Variants in SUPT16H observed in about 807,000 individuals in gnomAD.
SUPT16H encodes FACT complex subunit SPT16.
Under a neutral mutation model 136.2 loss-of-function variants are expected in SUPT16H, and 24 were observed. The ratio of observed to expected loss-of-function variants is 0.18; its 90% CI spans 0.13 to 0.25. The LOEUF is 0.25. SUPT16H is among the 10% of genes least tolerant of loss of function. The pLI is 1.00. For missense variants in SUPT16H, 623 were observed against 1,270.2 expected (o/e 0.49, Z 7.74); for synonymous variants, 415 against 428.2 (o/e 0.97, Z 0.38).
At chr14:21,375,671 G>A (rs1014588700) in intron 1 of SUPT16H, among the ~76,000 whole-genome samples, 2 of 152,186 alleles carry the variant, frequency 1.3e-5, no homozygotes, top group Non-Finnish European at 2.9e-5. Flanking sequence ...TCGGCTCACT[G>A]CAACCTCCGT....
intron 1 of SUPT16H, chr14:21,383,644 A>G: frequency 1.4e-6 from 1 of 710,878 alleles, no homozygotes; most frequent in Non-Finnish European, 2.6e-6. Flanking sequence ...GCACGCGGGG[A>G]AGATGGTGAT....
At chr14:21,380,354 T>C (rs1277494853) in intron 1 of SUPT16H, among the ~76,000 whole-genome samples, 1 of 137,992 alleles carries the variant, frequency 7.2e-6, no homozygotes, top group Non-Finnish European at 1.5e-5. Context: ...CAGGCTGGTC[T>C]TGAACTCCTG....
chr14:21,383,986 A>C lies in SUPT16H; in HGVS notation c.-59T>G. On this transcript the variant is annotated 5_prime_UTR_variant, in exon 1 of 26. Coordinates refer to ENST00000216297, the MANE Select transcript of SUPT16H (RefSeq NM_007192.4). ...AATCACGCGAGGTCCCGGCTCAGCC[A>C]CCCGCTCTCGGCCCAGGAATCCCGC... 6.2e-7 allele frequency: 1 copy of C among 1,601,480 alleles called. No individual in the cohort carries two copies. The highest frequency in any genetic ancestry group is 8.5e-7 in the Non-Finnish European group (1 of 1,170,624).
rs545820144 is a variant in SUPT16H, at chr14:21,382,424, T to C, written c.66+1438A>G. ...TTTTATTAGGTTTGCCAACCTGTCT[T>C]CAGGCCACAGTTAATTTGTCATGTA... On this transcript the variant is annotated intron_variant, in intron 1 of 25. Coordinates refer to ENST00000216297, the MANE Select transcript of SUPT16H (RefSeq NM_007192.4). 4.6e-5 allele frequency among the ~76,000 whole-genome samples: 7 copies of C among 152,344 alleles called. No homozygotes were observed. In the South Asian group the frequency reaches 1.4e-3, roughly 32 times the overall value.
At chr14:21,381,145 A>G (rs1367166734) in intron 1 of SUPT16H, among the ~76,000 whole-genome samples, 1 of 152,052 alleles carries the variant, frequency 6.6e-6, no homozygotes, top group Middle Eastern at 3.2e-3. Flanking sequence ...TCTCCTGTTG[A>G]TTTTTGACTG....
At chr14:21,381,274 A>G (rs1035047409) in intron 1 of SUPT16H, among the ~76,000 whole-genome samples, 1 of 152,058 alleles carries the variant, frequency 6.6e-6, no homozygotes, top group Non-Finnish European at 1.5e-5. Context: ...GACATAAGTT[A>G]TGAAAATTAT....
Position 21,360,923 on chromosome 14 carries a change from G to A in SUPT16H, c.1979C>T (p.Pro660Leu), listed in dbSNP as rs1886537379. 1 of 1,614,062 alleles carries A rather than the reference G, an allele frequency of 6.2e-7. No individual in the cohort carries two copies. Among genetic ancestry groups the A allele is most frequent in the Non-Finnish European group, 8.5e-7 (1 of 1,180,010 alleles). ...GCGAATGTATAGATCTTTCAGTTTC[G>A]GATTACTCCGGTTTAGATTGATCAC... is the stretch of plus-strand genomic sequence containing the variant. ...SLVINLNRSNPKLKDLYIRPN... is the reference protein window; with the variant it reads ...SLVINLNRSNLKLKDLYIRPN... The change falls in exon 17 of 26, where the codon CCG becomes CTG. Residue 660 changes from proline (P) to leucine (L), a missense_variant. Transcript: ENST00000216297.
intron 1 of SUPT16H, among the ~76,000 whole-genome samples, chr14:21,374,729 C>A (rs1886864037): frequency 6.6e-6 from 1 of 152,190 alleles, no homozygotes; most frequent in South Asian, 2.1e-4. Context: ...TCATCAGCTG[C>A]AGGACACTTG....
chr14:21,369,698 A>C lies in SUPT16H; in HGVS notation c.630+52T>G, dbSNP rs1886745653. 1.2e-5 allele frequency: 20 copies of C among 1,605,098 alleles called. 1 individual carries two copies. The South Asian group carries it at 2.2e-4, about 18-fold the overall frequency. On this transcript the variant is annotated intron_variant, in intron 5 of 25. Transcript: ENST00000216297. ...ACACACCAACAGATTTGCATGGTAG[A>C]CTTATTACTGCTTCATTAAAACAGT... is the stretch of plus-strand genomic sequence containing the variant.
intron 10 of SUPT16H, among the ~76,000 whole-genome samples, chr14:21,364,009 T>C (rs1435629220): frequency 6.6e-6 from 1 of 152,188 alleles, no homozygotes; most frequent in East Asian, 1.9e-4. Flanking sequence ...CAACATTGGG[T>C]AATCACTAAT....
chr14:21,369,957 C>T, intron 4 of SUPT16H, 61 bp from the exon 5 acceptor site: 1 of 1,577,900 alleles, frequency 6.3e-7, no homozygotes, highest in Non-Finnish European at 8.7e-7. Context: ...ATAAATGCAT[C>T]TCTCCAATTT....
chr14:21,372,677 T>TGG (rs1191586596), intron 2 of SUPT16H: 1 of 454,820 alleles, frequency 2.2e-6, no homozygotes, highest in East Asian at 7.0e-5. Flanking sequence ...GTTCTTTGGG[T>TGG]GGCAGAACAG....
intron 18 of SUPT16H, among the ~76,000 whole-genome samples, 186 bp downstream of exon 18, chr14:21,360,229 T>G (rs937584188): frequency 6.6e-6 from 1 of 152,106 alleles, no homozygotes; most frequent in African/African-American, 2.4e-5. Flanking sequence ...GGTTTCATCA[T>G]GTTGGTCAGG....
intron 8 of SUPT16H, 57 bp from the exon 9 acceptor site, chr14:21,365,200 G>A: frequency 6.8e-7 from 1 of 1,468,762 alleles, no homozygotes; most frequent in Non-Finnish European, 9.4e-7. Context: ...CATGGATCAA[G>A]CATAACATAT....
chr14:21,364,617 C>T (rs17197086), intron 10 of SUPT16H, among the ~76,000 whole-genome samples: 11,460 of 152,176 alleles, frequency 0.075, 618 homozygotes, highest in Non-Finnish European at 0.12. Flanking sequence ...TATCAAGGTT[C>T]AAGCCACAAT....
At chr14:21,358,629 C>T (rs879187542) in intron 19 of SUPT16H, among the ~76,000 whole-genome samples, 2 of 152,154 alleles carry the variant, frequency 1.3e-5, no homozygotes, top group South Asian at 2.1e-4. Context: ...GAAGTGCTTT[C>T]GTTGCCCTTC....
chr14:21,357,493 G>A, intron 21 of SUPT16H, 127 bp from the exon 22 acceptor site: 1 of 844,630 alleles, frequency 1.2e-6, no homozygotes, highest in Admixed American at 3.7e-5. Context: ...TTTTTTTTTT[G>A]AAAGACTGAG....
At chr14:21,374,186 G>C (rs570982148) in intron 1 of SUPT16H, among the ~76,000 whole-genome samples, 29 of 152,256 alleles carry the variant, frequency 1.9e-4, no homozygotes, top group Non-Finnish European at 2.8e-4. Flanking sequence ...GTAACCCCAG[G>C]GCAAAATGAA....
chr14:21,353,869 C>T (rs1886374715), intron 23 of SUPT16H, 37 bp from the exon 24 acceptor site: 1 of 1,579,484 alleles, frequency 6.3e-7, no homozygotes, highest in South Asian at 1.2e-5. Context: ...TTTTTTTTGA[C>T]ATTTACCTTA....
Sources: gnomAD v4.1 joint callset for allele counts (sites outside exome capture counted in the v4.1 genomes callset) on GRCh38, gnomAD v4.1.1 for gene constraint, MANE v1.5 for transcripts, NCBI Gene and HGNC (gene_info 2026-07-23, HGNC 2026-07-21) for gene names.